Variants in FAM13B observed in about 807,000 individuals in gnomAD.
FAM13B encodes family with sequence similarity 13 member B.
FAM13B carries 60 observed loss-of-function variants against 117.3 expected under a neutral mutation model. The observed-to-expected ratio is 0.51, with a 90% CI of 0.42 to 0.63. The LOEUF (loss-of-function observed/expected upper bound fraction) is 0.63. FAM13B is among the 30% of genes least tolerant of loss of function. The probability of loss-of-function intolerance (pLI) is 0.00; values close to 1 mark genes in which losing one functional copy is unlikely to be tolerated. For synonymous variants in FAM13B, 332 were observed against 356.1 expected (o/e 0.93, Z 0.76); for missense variants, 972 against 1,091.9 (o/e 0.89, Z 1.55).
At chr5:137,996,896 T>C (rs1054374422) in intron 7 of FAM13B, among the ~76,000 whole-genome samples, 1 of 152,152 alleles carries the variant, frequency 6.6e-6, no homozygotes, top group Admixed American at 6.5e-5. Context: ...CCCAGCCCAA[T>C]TTTTCATCTT....
Position 137,945,974 on chromosome 5 carries a change from A to G in FAM13B, c.2268T>C (p.Ile756=). The G allele has an allele frequency of 6.2e-7, 1 of 1,613,316 alleles. No homozygotes were observed. The highest frequency in any genetic ancestry group is 8.5e-7 in the Non-Finnish European group (1 of 1,179,646). Residue 756 remains isoleucine, a synonymous_variant, in exon 20 of 24, where the codon ATT becomes ATC. Transcript: ENST00000689681. ...TGTATCTATCATAGAGAGGTTTAAC[A>G]ATGTGCCTTTCTTCCTTGGTCACCT... ...GRPVTKEERH[I]VKPLYDRYRL... is the part of the protein sequence containing the mutation.
chr5:137,947,081 G>A (rs1581052460), intron 18 of FAM13B, among the ~76,000 whole-genome samples: 3 of 152,054 alleles, frequency 2.0e-5, no homozygotes, highest in African/African-American at 4.8e-5. Flanking sequence ...GGTAAGTCTC[G>A]CATACTCTAC....
At chr5:137,953,756 A>G (rs537204377) in intron 15 of FAM13B, among the ~76,000 whole-genome samples, 1 of 152,370 alleles carries the variant, frequency 6.6e-6, no homozygotes, top group East Asian at 1.9e-4. Context: ...TTCAAACTGC[A>G]TAACAAAGTT....
chr5:138,034,995 C>CTTGTTTTT (rs1790973698), upstream of FAM13B, among the ~76,000 whole-genome samples: 1 of 34,364 alleles, frequency 2.9e-5, no homozygotes, highest in African/African-American at 1.2e-4. Flanking sequence ...ATTCCCTTGC[C>CTTGTTTTT]TTTTTTTTTT....
At chr5:137,998,327 TA>T (rs928705266) in intron 7 of FAM13B, among the ~76,000 whole-genome samples, 1 of 152,224 alleles carries the variant, frequency 6.6e-6, no homozygotes, top group Non-Finnish European at 1.5e-5. Context: ...TGAAACTTTT[TA>T]AAAAGGGGCC....
chr5:137,980,475 C>T (rs1249928169), intron 10 of FAM13B, among the ~76,000 whole-genome samples: 1 of 138,470 alleles, frequency 7.2e-6, no homozygotes, highest in Non-Finnish European at 1.5e-5. Flanking sequence ...CAGGGTCTCA[C>T]TCTGTCACCC....
At chr5:137,980,868 G>A (rs974394757) in intron 10 of FAM13B, among the ~76,000 whole-genome samples, 1 of 151,708 alleles carries the variant, frequency 6.6e-6, no homozygotes, top group Non-Finnish European at 1.5e-5. Flanking sequence ...AGATAATAGG[G>A]ATGTAATAAA....
rs1561536133 is a variant in FAM13B, at chr5:138,018,482, T to A, written c.190A>T (p.Asn64Tyr). 6.2e-7 allele frequency: 1 copy of A among 1,614,060 alleles called. No homozygotes were observed. Among genetic ancestry groups the A allele is most frequent in the Non-Finnish European group, 8.5e-7 (1 of 1,180,028 alleles). The change falls in exon 4 of 24, where the codon AAT becomes TAT. Residue 64 changes from asparagine to tyrosine, a missense_variant. Transcript: ENST00000689681. ...GLEQQGLFQV[N>Y]GNAETVEWLR... ...CACTCCACTGTCTCAGCATTTCCAT[T>A]GACTTGAAAAAGTCCTTGTTGCTCC...
upstream of FAM13B, among the ~76,000 whole-genome samples, chr5:138,034,259 T>G (rs920298224): frequency 4.6e-5 from 7 of 152,372 alleles, no homozygotes; most frequent in African/African-American, 1.7e-4. Flanking sequence ...AGTTAAATCT[T>G]AATTCAGATT....
At chr5:138,030,798 C>T (rs1046951934) in intron 1 of FAM13B, among the ~76,000 whole-genome samples, 1 of 143,586 alleles carries the variant, frequency 7.0e-6, no homozygotes, top group African/African-American at 2.6e-5. Flanking sequence ...CTTTGGGAGG[C>T]AGAAGCAGGC....
intron 10 of FAM13B, among the ~76,000 whole-genome samples, chr5:137,966,486 TATAGAGAGAGAGAG>T (rs1172371114): frequency 6.8e-5 from 3 of 44,012 alleles, no homozygotes; most frequent in African/African-American, 2.9e-4. Flanking sequence ...TATATATATA[TATAGAGAGAGAGAG>T]AGAGAGAGAG....
At chr5:138,034,836 G>A (rs1049938265), upstream of FAM13B, among the ~76,000 whole-genome samples, 10 of 151,970 alleles carry the variant, frequency 6.6e-5, no homozygotes, top group Admixed American at 2.0e-4. Flanking sequence ...TCATAAGTGC[G>A]TAAAAGTCTT....
At chr5:137,969,241 T>C (rs1317160902) in intron 10 of FAM13B, among the ~76,000 whole-genome samples, 1 of 152,328 alleles carries the variant, frequency 6.6e-6, no homozygotes, top group East Asian at 1.9e-4. Flanking sequence ...GCAGTGGTTC[T>C]CCCAGCACGC....
At chr5:137,969,517 G>A (rs539584273) in intron 10 of FAM13B, among the ~76,000 whole-genome samples, 21 of 152,318 alleles carry the variant, frequency 1.4e-4, no homozygotes, top group Admixed American at 1.4e-3. Context: ...GGAAAAAACA[G>A]AGCAGAAAAA....
At chr5:138,025,029 C>G (rs1165870260) in intron 1 of FAM13B, among the ~76,000 whole-genome samples, 1 of 151,814 alleles carries the variant, frequency 6.6e-6, no homozygotes, top group African/African-American at 2.4e-5. Context: ...TGCCACCATG[C>G]ACGGCTAATT....
chr5:137,942,865 G>GCATA lies in FAM13B; in HGVS notation c.2588+6_2588+9dup. The GCATA allele has an allele frequency of 1.3e-6, 2 of 1,591,506 alleles. No individual in the cohort carries two copies. The highest frequency in any genetic ancestry group is 4.5e-5 in the East Asian group (2 of 44,790). On this transcript the variant is annotated intron_variant, in intron 22 of 23. Coordinates refer to ENST00000689681, the MANE Select transcript of FAM13B (RefSeq NM_001385994.1). Reference sequence around the variant, plus strand: ...AAAAATAGGCTAAAATCACAAATCAGCATACATACATAGAAGCTGCTCGAG... The same window carrying GCATA: ...AAAAATAGGCTAAAATCACAAATCAGCATACATACATACATAGAAGCTGCTCGAG...
rs1030810075 is a variant in FAM13B at position 138,012,372 on chromosome 5, G to A, written c.371-427C>T. Among the ~76,000 whole-genome samples, 5 of 151,994 alleles carry A rather than the reference G, an allele frequency of 3.3e-5. No individual in the cohort carries two copies. The South Asian group carries it at 1.0e-3, about 32-fold the overall frequency. On this transcript the variant is annotated intron_variant, in intron 4 of 23. Transcript: ENST00000689681. ...GAGCAAAGCAGAGATGCAATTTGAG[G>A]GGCTAATAGTATCAGTGATACCTTT...
intron 1 of FAM13B, among the ~76,000 whole-genome samples, chr5:138,024,092 A>T (rs1787524598): frequency 6.6e-6 from 1 of 152,126 alleles, no homozygotes; most frequent in African/African-American, 2.4e-5. Context: ...TCAGAGCTTA[A>T]ATCACATAAA....
intron 18 of FAM13B, among the ~76,000 whole-genome samples, chr5:137,948,451 G>T (rs1033981925): frequency 6.6e-6 from 1 of 151,990 alleles, no homozygotes; most frequent in Admixed American, 6.6e-5. Context: ...TGTCATCCAG[G>T]CTGGAGGCAC....
Sources: allele counts gnomAD v4.1 joint callset (sites outside exome capture counted in the v4.1 genomes callset), GRCh38; gene constraint gnomAD v4.1.1; transcripts MANE v1.5; gene names NCBI Gene and HGNC (gene_info 2026-07-23, HGNC 2026-07-21).